ISL1: variants seen among roughly 807,000 people sequenced by gnomAD.
ISL1 encodes ISL LIM homeobox 1, also known as insulin gene enhancer protein ISL-1.
In ISL1, 4 loss-of-function variants were observed where a neutral mutation model predicts 35.3. The ratio of observed to expected loss-of-function variants is 0.11; its 90% CI spans 0.06 to 0.26. The LOEUF is 0.26. Ranked by LOEUF, ISL1 falls within the 10% of genes least tolerant of loss-of-function variation. ISL1 has a pLI of 1.00. For synonymous variants in ISL1, 186 were observed against 172.3 expected, an observed-to-expected ratio of 1.08 and a Z score of -0.62; for missense variants, 340 against 472.8, an observed-to-expected ratio of 0.72 and a Z score of 2.60.
chr5:51,383,455 C>T lies in ISL1; in HGVS notation c.-217C>T. On this transcript the variant is annotated 5_prime_UTR_variant, in exon 1 of 6. Transcript: ENST00000230658. Reference sequence around the variant, plus strand: ...AGGTGCCCGAGCCGCGCCGAGTCTGCCGCCGCCGCAGCGCCTCCGCTCCGC... The same window carrying T: ...AGGTGCCCGAGCCGCGCCGAGTCTGTCGCCGCCGCAGCGCCTCCGCTCCGC... The T allele has an allele frequency of 3.2e-6, 2 of 615,632 alleles. No homozygotes were observed. The highest frequency in any genetic ancestry group is 2.9e-6 in the Non-Finnish European group (1 of 344,882). 38.1% of individuals were successfully genotyped at this position (615,632 alleles called of 1,614,324 possible). A position where few individuals can be genotyped will look rare whatever the true frequency, so the allele number is the denominator to read the frequency against.
intron 2 of ISL1, among the ~76,000 whole-genome samples, chr5:51,385,210 G>T (rs1185132395): frequency 6.6e-6 from 1 of 152,220 alleles, no homozygotes; most frequent in Non-Finnish European, 1.5e-5. Context: ...CATGTTTAGA[G>T]ATGTACTTTG....
At position 51,389,567 on chromosome 5, in the gene ISL1, G is replaced by T; in HGVS notation, c.479-79G>T. ...CGGGCGGGCGGGCGGGCAAGCGAGCGAGCGAGCGAGCGCGCGACCGCGGGC... is the reference window on the plus strand; with the variant it reads ...CGGGCGGGCGGGCGGGCAAGCGAGCTAGCGAGCGAGCGCGCGACCGCGGGC... On this transcript the variant is annotated intron_variant, in intron 3 of 5. Transcript: ENST00000230658. This position sits in a 1 kb window ranked among gnomAD's most constrained non-coding sequence, Gnocchi z 5.0. 7.7e-7 allele frequency: 1 copy of T among 1,301,032 alleles called. No individual in the cohort carries two copies. The highest frequency in any genetic ancestry group is 1.9e-5 in the South Asian group (1 of 52,418). 80.6% of individuals were successfully genotyped at this position (1,301,032 alleles called of 1,614,324 possible). A position where few individuals can be genotyped will look rare whatever the true frequency, so the allele number is the denominator to read the frequency against.
chr5:51,393,361 T>C (rs1747561475), intron 5 of ISL1, 133 bp from the exon 6 acceptor site: 1 of 701,678 alleles, frequency 1.4e-6, no homozygotes, highest in African/African-American at 1.8e-5. Flanking sequence ...CCTGTTAAAA[T>C]TCAGTTATCT....
chr5:51,386,449 G>A, intron 2 of ISL1: 2 of 402,688 alleles, frequency 5.0e-6, no homozygotes, highest in Middle Eastern at 4.6e-4. Context: ...AGACTGGACA[G>A]TTAGATTTCC....
chr5:51,389,999 C>G lies in ISL1; in HGVS notation c.765+67C>G. On this transcript the variant is annotated intron_variant, in intron 4 of 5. Transcript: ENST00000230658. This position sits in a 1 kb window ranked among gnomAD's most constrained non-coding sequence, Gnocchi z 5.0. The stretch of plus-strand genomic sequence containing the variant: ...GAGACGCAGCGTGCGAGGTGCGTTC[C>G]TGGTACGCAGGATCGCACGGTTTTC... 1 of 1,559,110 alleles carries G rather than the reference C, an allele frequency of 6.4e-7. No individual in the cohort carries two copies.
chr5:51,389,552 G>T lies in ISL1; in HGVS notation c.479-94G>T. On this transcript the variant is annotated intron_variant, in intron 3 of 5. Coordinates refer to ENST00000230658, the MANE Select transcript of ISL1 (RefSeq NM_002202.3). This position sits in a 1 kb window ranked among gnomAD's most constrained non-coding sequence, Gnocchi z 5.0. ...GGGCGAGCAAGTAAGCGGGCGGGCG[G>T]GCGGGCAAGCGAGCGAGCGAGCGAG... The T allele has an allele frequency of 8.7e-7, 1 of 1,143,308 alleles. No homozygotes were observed. Among genetic ancestry groups the T allele is most frequent in the South Asian group, 2.2e-5 (1 of 46,190 alleles). The allele number at this position is 1,143,308 out of a possible 1,614,324, so 70.8% of individuals were successfully genotyped here.
chr5:51,390,636 C>CTGTTTTTTTTTTTTTTTT, intron 4 of ISL1, among the ~76,000 whole-genome samples: 1 of 74,328 alleles, frequency 1.3e-5, no homozygotes, highest in Non-Finnish European at 2.8e-5. Context: ...TCTTTTCTTT[C>CTGTTTTTTTTTTTTTTTT]TTTTTCTTTT....
Position 51,383,706 on chromosome 5 carries a change from G to A in ISL1, c.28+7G>A, listed in dbSNP as rs1410177888. On this transcript the variant is annotated splice_region_variant and intron_variant, in intron 1 of 5. Transcript: ENST00000230658. Reference sequence around the variant, plus strand: ...ATGGGAGATCCACCAAAAAGTAAGAGGCTATTTTACCTTGTGGGGCTCGGT... The same window carrying A: ...ATGGGAGATCCACCAAAAAGTAAGAAGCTATTTTACCTTGTGGGGCTCGGT... The A allele has an allele frequency of 1.2e-6, 2 of 1,610,230 alleles. No homozygotes were observed. Among genetic ancestry groups the A allele is most frequent in the Admixed American group, 1.7e-5 (1 of 60,030 alleles).
chr5:51,391,456 C>T lies in ISL1; in HGVS notation c.933+15C>T. On this transcript the variant is annotated intron_variant, in intron 5 of 5. Transcript: ENST00000230658. ...TTCAGCAACTGGTAAGTGTCAGCTC[C>T]CAGATGGAAGAGGCTGAATTCCCAA... is the stretch of plus-strand genomic sequence containing the variant. 6.2e-7 allele frequency: 1 copy of T among 1,613,864 alleles called. No individual in the cohort carries two copies. The highest frequency in any genetic ancestry group is 8.5e-7 in the Non-Finnish European group (1 of 1,179,878).
In ISL1 at chr5:51,387,589, C is replaced by A. The variant is rs1433568560; in HGVS notation, c.318C>A (p.Arg106=). 6.2e-7 allele frequency: 1 copy of A among 1,614,248 alleles called. No individual in the cohort carries two copies. The highest frequency in any genetic ancestry group is 1.7e-5 in the Admixed American group (1 of 60,034). The change falls in exon 3 of 6, where the codon CGC becomes CGA. Residue 106 remains arginine, a synonymous_variant. Transcript: ENST00000230658. The surrounding 1 kb of genome is among the most constrained non-coding windows in gnomAD (Gnocchi z 4.3). ...RSKVYHIECF[R]CVACSRQLIP... is the part of the protein sequence containing the mutation. ...AGGTGTATCACATCGAGTGTTTCCG[C>A]TGTGTGGCCTGCAGCCGCCAGCTCA...
At position 51,389,550 on chromosome 5, in the gene ISL1, C is replaced by T; in HGVS notation, c.479-96C>T. 3 of 993,356 alleles carry T rather than the reference C, an allele frequency of 3.0e-6. No homozygotes were observed. Among genetic ancestry groups the T allele is most frequent in the East Asian group, 3.6e-5 (1 of 27,454 alleles). The allele number at this position is 993,356 out of a possible 1,614,324, so 61.5% of individuals were successfully genotyped here. ...GCGGGCGAGCAAGTAAGCGGGCGGG[C>T]GGGCGGGCAAGCGAGCGAGCGAGCG... On this transcript the variant is annotated intron_variant, in intron 3 of 5. Transcript: ENST00000230658. This position sits in a 1 kb window ranked among gnomAD's most constrained non-coding sequence, Gnocchi z 5.0.
rs746553060 is a variant in ISL1, at chr5:51,389,770, C to T, written c.603C>T (p.Ala201=). The change falls in exon 4 of 6, where the codon GCC becomes GCT. Residue 201 remains alanine (A), a synonymous_variant. Coordinates refer to ENST00000230658, the MANE Select transcript of ISL1 (RefSeq NM_002202.3). The surrounding 1 kb of genome is among the most constrained non-coding windows in gnomAD (Gnocchi z 5.0). Reference sequence around the variant, plus strand: ...TGCACACCTTGCGGACCTGCTACGCCGCAAACCCGCGGCCAGATGCGCTCA... The same window carrying T: ...TGCACACCTTGCGGACCTGCTACGCTGCAAACCCGCGGCCAGATGCGCTCA... The part of the protein sequence containing the change: ...KQLHTLRTCY[A]ANPRPDALMK... 1.2e-6 allele frequency: 2 copies of T among 1,614,208 alleles called. No individual in the cohort carries two copies. Among genetic ancestry groups the T allele is most frequent in the Non-Finnish European group, 1.7e-6 (2 of 1,180,042 alleles).
intron 5 of ISL1, among the ~76,000 whole-genome samples, chr5:51,392,220 C>T (rs1318634859): frequency 6.6e-6 from 1 of 152,160 alleles, no homozygotes; most frequent in Non-Finnish European, 1.5e-5. Context: ...AATTAATTCA[C>T]TTTTTGCCTA....
Position 51,393,522 on chromosome 5 carries a change from C to G in ISL1, c.962C>G (p.Ser321Cys). The stretch of plus-strand genomic sequence containing the variant: ...AATTTTTCAGAAGGAGGACCGGGCT[C>G]TAATTCCACTGGCAGTGAAGTAGCA... ...LVNFSEGGPG[S>C]NSTGSEVASM... Residue 321 changes from serine (S) to cysteine (C), a missense_variant, in exon 6 of 6, where the codon TCT becomes TGT. By Grantham distance (112) the Ser-to-Cys change is moderately radical. Transcript: ENST00000230658. 6.2e-7 allele frequency: 1 copy of G among 1,613,756 alleles called. No homozygotes were observed. Among genetic ancestry groups the G allele is most frequent in the Non-Finnish European group, 8.5e-7 (1 of 1,179,658 alleles).
At position 51,387,477 on chromosome 5, in the gene ISL1, C is replaced by G. The variant is rs759170979; in HGVS notation, c.219-13C>G. 3.7e-6 allele frequency: 6 copies of G among 1,613,824 alleles called. 1 individual carries two copies. The highest frequency in any genetic ancestry group is 3.3e-5 in the South Asian group (3 of 90,986). On this transcript the variant is annotated splice_polypyrimidine_tract_variant and intron_variant, in intron 2 of 5. Transcript: ENST00000230658. This position sits in a 1 kb window ranked among gnomAD's most constrained non-coding sequence, Gnocchi z 4.3. ...CGCTCTGGGCCGCCTCCGCTCCCCCCTCCCCCGCACAGGTTGTACGGGATC... is the reference window on the plus strand; with the variant it reads ...CGCTCTGGGCCGCCTCCGCTCCCCCGTCCCCCGCACAGGTTGTACGGGATC...
rs3033046 is a variant in ISL1 at position 51,394,444 on chromosome 5, G to GAA, written c.*844_*845dup. 57,649 of 144,306 alleles carry GAA rather than the reference G, an allele frequency of 0.4. 11,618 individuals carry two copies. Among genetic ancestry groups the GAA allele is most frequent in the African/African-American group, 0.51 (20,120 of 39,818 alleles). The allele number at this position is 144,306 out of a possible 1,614,324, so 8.9% of individuals were successfully genotyped here. On this transcript the variant is annotated 3_prime_UTR_variant, in exon 6 of 6. Coordinates refer to ENST00000230658, the MANE Select transcript of ISL1 (RefSeq NM_002202.3). ...TTTCTCTCTCTATGGAAATAAAAAGGAAAAAAAAAAAGGAAACTTTTTTTG... is the reference window on the plus strand; with the variant it reads ...TTTCTCTCTCTATGGAAATAAAAAGGAAAAAAAAAAAAAGGAAACTTTTTTTG...
Position 51,384,596 on chromosome 5 carries a change from T to C in ISL1, c.84T>C (p.Tyr28=). The C allele has an allele frequency of 2.5e-6, 4 of 1,614,176 alleles. No individual in the cohort carries two copies. Among genetic ancestry groups the C allele is most frequent in the Non-Finnish European group, 3.4e-6 (4 of 1,180,026 alleles). The change falls in exon 2 of 6, where the codon TAT becomes TAC. Residue 28 remains tyrosine (Y), a synonymous_variant. Transcript: ENST00000230658. The part of the protein sequence containing the change: ...VGCGNQIHDQ[Y]ILRVSPDLEW... ...GCGGCAATCAGATTCACGATCAGTATATTCTGAGGGTTTCTCCGGATTTGG... is the reference window on the plus strand; with the variant it reads ...GCGGCAATCAGATTCACGATCAGTACATTCTGAGGGTTTCTCCGGATTTGG...
At chr5:51,384,436 A>AAAG (rs995154364) in intron 1 of ISL1, 105 bp from the exon 2 acceptor site, 1 of 1,028,008 alleles carries the variant, frequency 9.7e-7, no homozygotes, top group African/African-American at 1.6e-5. Flanking sequence ...AGAAAGAAAG[A>AAAG]AAAAAACCTC....
Position 51,387,973 on chromosome 5 carries a change from C to A in ISL1, c.478+224C>A, listed in dbSNP as rs73095545. Among the ~76,000 whole-genome samples, 3,289 of 152,360 alleles carry A rather than the reference C, an allele frequency of 0.022. 132 individuals are homozygous for A. The highest frequency in any genetic ancestry group is 0.076 in the African/African-American group (3,153 of 41,578). ...GAGCACACCTACACCGTCTGTGTGTCTCTATATGGTTACACATAAATGTAC... is the reference window on the plus strand; with the variant it reads ...GAGCACACCTACACCGTCTGTGTGTATCTATATGGTTACACATAAATGTAC... On this transcript the variant is annotated intron_variant, in intron 3 of 5. Transcript: ENST00000230658. This position sits in a 1 kb window ranked among gnomAD's most constrained non-coding sequence, Gnocchi z 4.3.
Sources: gnomAD v4.1 joint callset for allele counts (sites outside exome capture counted in the v4.1 genomes callset) on GRCh38, gnomAD v4.1.1 for gene constraint, Gnocchi (gnomAD v3.1) non-coding constraint, MANE v1.5 for transcripts, NCBI Gene and HGNC (gene_info 2026-07-23, HGNC 2026-07-21) for gene names.